The following PLXDC2 variants were observed in gnomAD, a reference collection of about 807,000 sequenced individuals.
PLXDC2 encodes the protein plexin domain containing 2, also known as plexin domain-containing protein 2.
In PLXDC2, 40 loss-of-function variants were observed where a neutral mutation model predicts 68.9. The observed-to-expected ratio is 0.58, with a 90% CI of 0.45 to 0.76. The LOEUF (loss-of-function observed/expected upper bound fraction) is 0.76. Ranked by LOEUF, PLXDC2 falls within the 30% of genes least tolerant of loss-of-function variation. PLXDC2 has a pLI of 0.00. For synonymous variants in PLXDC2, 243 were observed against 234.2 expected, an observed-to-expected ratio of 1.04 and a Z score of -0.34; for missense variants, 644 against 661.9, an observed-to-expected ratio of 0.97 and a Z score of 0.30.
intron 3 of PLXDC2, among the ~76,000 whole-genome samples, chr10:20,047,254 T>C (rs889172340): frequency 6.6e-6 from 1 of 152,170 alleles, no homozygotes; most frequent in Admixed American, 6.6e-5. Flanking sequence ...ATTGAACCAA[T>C]TTTCTCAGTA....
chr10:20,241,242 A>C (rs1835511820), intron 12 of PLXDC2, among the ~76,000 whole-genome samples: 1 of 152,224 alleles, frequency 6.6e-6, no homozygotes, highest in Non-Finnish European at 1.5e-5. Flanking sequence ...GGTTTACCAC[A>C]CTCAAGGTGC....
intron 1 of PLXDC2, among the ~76,000 whole-genome samples, chr10:19,999,389 TG>T (rs67084066): frequency 0.33 from 44,948 of 134,822 alleles, 8,069 homozygotes; most frequent in Non-Finnish European, 0.45. Flanking sequence ...TGTAGGTGTT[TG>T]TTTTTTTTTT....
intron 4 of PLXDC2, among the ~76,000 whole-genome samples, chr10:20,129,242 T>C (rs1360259336): frequency 6.6e-6 from 1 of 152,148 alleles, no homozygotes; most frequent in Non-Finnish European, 1.5e-5. Flanking sequence ...ATGCTGAGCA[T>C]TTTTTATGTA....
intron 7 of PLXDC2, among the ~76,000 whole-genome samples, chr10:20,165,499 A>G (rs1251529102): frequency 9.2e-5 from 14 of 152,042 alleles, no homozygotes; most frequent in South Asian, 8.3e-4. Context: ...TCATTGTTCA[A>G]TTCCCACCTA....
chr10:20,176,187 T>G (rs892944730), intron 7 of PLXDC2, among the ~76,000 whole-genome samples: 1 of 152,174 alleles, frequency 6.6e-6, no homozygotes, highest in Non-Finnish European at 1.5e-5. Flanking sequence ...TCCTTAGATA[T>G]GATACTGTAT....
At chr10:20,219,187 C>T in intron 12 of PLXDC2, 85 bp downstream of exon 12, 1 of 1,364,456 alleles carries the variant, frequency 7.3e-7, no homozygotes, top group Non-Finnish European at 1.0e-6. Flanking sequence ...GCAATACGGG[C>T]TTCTAGATAA....
intron 13 of PLXDC2, among the ~76,000 whole-genome samples, chr10:20,273,632 A>G (rs567477535): frequency 6.6e-6 from 1 of 152,230 alleles, no homozygotes; most frequent in Admixed American, 6.5e-5. Context: ...TGTGAAAACA[A>G]TGTGACAAGA....
chr10:20,130,268 T>C (rs913203439), intron 4 of PLXDC2, among the ~76,000 whole-genome samples: 3 of 152,140 alleles, frequency 2.0e-5, no homozygotes, highest in Non-Finnish European at 4.4e-5. Flanking sequence ...ATTTTGGTGC[T>C]ATTGTATGTG....
chr10:20,179,532 C>G (rs1834573910), intron 9 of PLXDC2, among the ~76,000 whole-genome samples: 1 of 151,948 alleles, frequency 6.6e-6, no homozygotes, highest in Admixed American at 6.6e-5. Context: ...ACCATTTGAC[C>G]CCCCTAACCA....
intron 1 of PLXDC2, among the ~76,000 whole-genome samples, chr10:19,963,767 C>T (rs1385223225): frequency 1.3e-5 from 2 of 151,894 alleles, no homozygotes; most frequent in African/African-American, 4.8e-5. Context: ...AGCACACCAA[C>T]ATGGCACATG....
chr10:19,914,052 G>C (rs947994918), intron 1 of PLXDC2, among the ~76,000 whole-genome samples: 1 of 150,666 alleles, frequency 6.6e-6, no homozygotes. Flanking sequence ...AGCAGGCAGA[G>C]GGAGAGCAGG....
intron 1 of PLXDC2, among the ~76,000 whole-genome samples, chr10:19,833,779 G>C (rs2131311418): frequency 6.6e-6 from 1 of 152,254 alleles, no homozygotes; most frequent in South Asian, 2.1e-4. Context: ...AATGCTACCT[G>C]TGTGTTAGTG....
chr10:19,988,706 C>T (rs910406243), intron 1 of PLXDC2, among the ~76,000 whole-genome samples: 4 of 146,002 alleles, frequency 2.7e-5, no homozygotes, highest in Middle Eastern at 3.9e-3. Flanking sequence ...CAAGATTTTT[C>T]CATCATTTGA....
chr10:20,247,275 C>T (rs886794569), intron 13 of PLXDC2, among the ~76,000 whole-genome samples: 1 of 119,452 alleles, frequency 8.4e-6, no homozygotes, highest in African/African-American at 3.4e-5. Context: ...GCCTGGGCAA[C>T]ATGGTGAAAC....
chr10:20,262,857 G>T (rs1049625206), intron 13 of PLXDC2, among the ~76,000 whole-genome samples: 10 of 152,256 alleles, frequency 6.6e-5, no homozygotes, highest in Admixed American at 5.2e-4. Context: ...CACCAGGCAG[G>T]TCCTCCAGGC....
intron 13 of PLXDC2, among the ~76,000 whole-genome samples, chr10:20,270,958 G>GAA (rs141776302): frequency 0.016 from 2,279 of 145,976 alleles, 56 homozygotes; most frequent in African/African-American, 0.05. Context: ...AAAAAAACTG[G>GAA]AAAAAAAAAA....
At position 20,266,376 on chromosome 10, in the gene PLXDC2, AC is replaced by A. The variant is rs1163367282; in HGVS notation, c.1474-13326del. ...GAAATTGTTGGGGAAAAAAAAAAAAACGTAATGACAGAAAATGATACAAGAA... is the reference window on the plus strand; with the variant it reads ...GAAATTGTTGGGGAAAAAAAAAAAAAGTAATGACAGAAAATGATACAAGAA... On this transcript the variant is annotated intron_variant, in intron 13 of 13. Coordinates refer to ENST00000377252, the MANE Select transcript of PLXDC2 (RefSeq NM_032812.9). Among the ~76,000 whole-genome samples the A allele has an allele frequency of 5.9e-5, 9 of 151,782 alleles. No homozygotes were observed. In the East Asian group the frequency reaches 1.5e-3, roughly 26 times the overall value.
intron 4 of PLXDC2, among the ~76,000 whole-genome samples, chr10:20,113,345 CT>C (rs1353241109): frequency 6.6e-6 from 1 of 152,180 alleles, no homozygotes; most frequent in East Asian, 1.9e-4. Context: ...CCAAATTTAG[CT>C]TTTTTCTTCC....
chr10:19,902,836 C>T (rs376363591), intron 1 of PLXDC2, among the ~76,000 whole-genome samples: 7 of 152,168 alleles, frequency 4.6e-5, no homozygotes, highest in Admixed American at 1.3e-4. Flanking sequence ...ATTTTTTATT[C>T]CCTTAAGGTA....
Sources: gnomAD v4.1 joint callset for allele counts (sites outside exome capture counted in the v4.1 genomes callset) on GRCh38, gnomAD v4.1.1 for gene constraint, MANE v1.5 for transcripts, NCBI Gene and HGNC (gene_info 2026-07-23, HGNC 2026-07-21) for gene names.